Variants in DOCK3 observed in about 807,000 individuals in gnomAD.
DOCK3 encodes the protein dedicator of cytokinesis protein 3.
In DOCK3, 60 loss-of-function variants were observed where a neutral mutation model predicts 265.6. The ratio of observed to expected loss-of-function variants is 0.23; its 90% confidence interval spans 0.18 to 0.28. DOCK3 has a LOEUF of 0.28. DOCK3 is among the 10% of genes least tolerant of loss of function. The probability of loss-of-function intolerance (pLI) is 1.00; values close to 1 mark genes in which losing one functional copy is unlikely to be tolerated. For missense variants in DOCK3, 1,981 were observed against 2,594.3 expected, an observed-to-expected ratio of 0.76 and a Z score of 5.14; for synonymous variants, 881 against 938.0, an observed-to-expected ratio of 0.94 and a Z score of 1.11.
At chr3:50,692,942 T>G (rs1353322890) in intron 1 of DOCK3, among the ~76,000 whole-genome samples, 1 of 152,222 alleles carries the variant, frequency 6.6e-6, no homozygotes, top group Non-Finnish European at 1.5e-5. Context: ...TTTTATTCTT[T>G]GTGGATATCC....
At position 50,941,621 on chromosome 3, in the gene DOCK3, T is replaced by C. The variant is rs568047674; in HGVS notation, c.315+7544T>C. On this transcript the variant is annotated intron_variant, in intron 5 of 52. Transcript: ENST00000266037. ...ATAATAGCTTTTACATGGATGTTTA[T>C]AAAAAGCTTTATTTCTAATAGCATA... 5.3e-5 allele frequency among the ~76,000 whole-genome samples: 8 copies of C among 152,216 alleles called. No individual in the cohort carries two copies. In the South Asian group the frequency reaches 1.2e-3, roughly 24 times the overall value.
In DOCK3 at chr3:50,848,740, C is replaced by T. The variant is rs111756640; in HGVS notation, c.162+7025C>T. Among the ~76,000 whole-genome samples, 6 of 152,210 alleles carry T rather than the reference C, an allele frequency of 3.9e-5. 2 individuals carry two copies. Among genetic ancestry groups the T allele is most frequent in the African/African-American group, 1.4e-4 (6 of 41,538 alleles). On this transcript the variant is annotated intron_variant, in intron 3 of 52. Transcript: ENST00000266037. Reference sequence around the variant, plus strand: ...TCCAGATTTTTTCTTTAGCATTGACCTTGTTCAGTCTTATGGACTATATGC... The same window carrying T: ...TCCAGATTTTTTCTTTAGCATTGACTTTGTTCAGTCTTATGGACTATATGC...
chr3:51,252,672 T>C (rs2079317175), intron 22 of DOCK3, among the ~76,000 whole-genome samples: 1 of 152,210 alleles, frequency 6.6e-6, no homozygotes, highest in African/African-American at 2.4e-5. Context: ...TTGTCTGTTA[T>C]TGGTGTATAG....
At chr3:51,327,598 G>T (rs1329591862) in intron 32 of DOCK3, among the ~76,000 whole-genome samples, 1 of 150,896 alleles carries the variant, frequency 6.6e-6, no homozygotes, top group Non-Finnish European at 1.5e-5. Flanking sequence ...CAGATTTCTA[G>T]ATTTCTCCTA....
intron 3 of DOCK3, among the ~76,000 whole-genome samples, chr3:50,868,901 G>GTTTTTTTTTTTTTTTTTTTTTTTTT (rs147898866): frequency 7.0e-5 from 1 of 14,294 alleles, no homozygotes; most frequent in African/African-American, 2.4e-4. Context: ...TGGATAATCT[G>GTTTTTTTTTTTTTTTTTTTTTTTTT]TTTTTTTTTT....
At chr3:50,814,808 T>C (rs1352332410) in intron 2 of DOCK3, among the ~76,000 whole-genome samples, 2 of 152,112 alleles carry the variant, frequency 1.3e-5, no homozygotes, top group Admixed American at 1.3e-4. Context: ...CATGCTTATA[T>C]TTCTATTTCT....
At chr3:51,290,819 G>T (rs749858637) in intron 27 of DOCK3, among the ~76,000 whole-genome samples, 10 of 152,196 alleles carry the variant, frequency 6.6e-5, no homozygotes, top group Non-Finnish European at 1.2e-4. Flanking sequence ...GGTGGCTCAT[G>T]CCTGTAATCC....
chr3:51,324,476 C>T (rs2083956314), intron 32 of DOCK3, among the ~76,000 whole-genome samples: 1 of 149,838 alleles, frequency 6.7e-6, no homozygotes, highest in Admixed American at 6.6e-5. Flanking sequence ...GAATGAATAT[C>T]ATGGCCATAC....
chr3:50,872,113 G>A (rs751745273), intron 3 of DOCK3, among the ~76,000 whole-genome samples: 1 of 152,158 alleles, frequency 6.6e-6, no homozygotes, highest in Non-Finnish European at 1.5e-5. Flanking sequence ...TTTGTCTGTG[G>A]TAGGCATTGA....
intron 14 of DOCK3, among the ~76,000 whole-genome samples, chr3:51,214,807 C>A (rs982181859): frequency 1.6e-4 from 24 of 152,142 alleles, no homozygotes; most frequent in Non-Finnish European, 7.3e-5. Context: ...TCATCTAATG[C>A]CCCGTGGAGA....
chr3:51,208,928 G>C, intron 13 of DOCK3, 66 bp downstream of exon 13: 1 of 1,462,670 alleles, frequency 6.8e-7, no homozygotes, highest in Non-Finnish European at 9.4e-7. Context: ...ACAGCACTTA[G>C]ATTGGTTGGT....
intron 23 of DOCK3, among the ~76,000 whole-genome samples, chr3:51,268,258 G>A (rs1421198418): frequency 1.3e-5 from 2 of 152,162 alleles, no homozygotes; most frequent in Admixed American, 6.5e-5. Flanking sequence ...AGCCCAAGAA[G>A]TTAAGGCTAC....
intron 5 of DOCK3, among the ~76,000 whole-genome samples, chr3:50,956,352 T>C (rs1175810303): frequency 1.3e-5 from 2 of 152,218 alleles, no homozygotes; most frequent in African/African-American, 4.8e-5. Flanking sequence ...AGATTCCTCA[T>C]GTCTTCACTA....
chr3:50,701,292 A>AT (rs1327830386), intron 1 of DOCK3, among the ~76,000 whole-genome samples: 13 of 151,870 alleles, frequency 8.6e-5, no homozygotes, highest in Admixed American at 6.6e-4. Flanking sequence ...TAATTTTTAA[A>AT]TTTTTTGTAG....
intron 4 of DOCK3, among the ~76,000 whole-genome samples, chr3:50,926,572 G>A (rs1350728024): frequency 6.6e-6 from 1 of 152,174 alleles, no homozygotes; most frequent in Admixed American, 6.5e-5. Flanking sequence ...TAACCAGAGA[G>A]GGTTAGAGAT....
At chr3:50,868,901 G>GTT (rs147898866) in intron 3 of DOCK3, among the ~76,000 whole-genome samples, 286 of 14,296 alleles carry the variant, frequency 0.02, 15 homozygotes, top group Middle Eastern at 0.042. Context: ...TGGATAATCT[G>GTT]TTTTTTTTTT....
Position 51,361,725 on chromosome 3 carries a change from G to A in DOCK3, c.5007-134G>A. The A allele has an allele frequency of 8.2e-7, 1 of 1,223,326 alleles. No individual in the cohort carries two copies. The highest frequency in any genetic ancestry group is 2.6e-4 in the Middle Eastern group (1 of 3,876). The allele number at this position is 1,223,326 out of a possible 1,614,324, so 75.8% of individuals were successfully genotyped here. On this transcript the variant is annotated intron_variant, in intron 47 of 52. Coordinates refer to ENST00000266037, the MANE Select transcript of DOCK3 (RefSeq NM_004947.5). The surrounding 1 kb of genome is among the most constrained non-coding windows in gnomAD (Gnocchi z 4.2). ...ACTGCTCCAGGCCTCAGATGGGTATGAGCATTGACTATGGAACCCTCCAAA... is the reference window on the plus strand; with the variant it reads ...ACTGCTCCAGGCCTCAGATGGGTATAAGCATTGACTATGGAACCCTCCAAA...
At chr3:50,877,180 A>T in intron 3 of DOCK3, 1 of 316,742 alleles carries the variant, frequency 3.2e-6, no homozygotes, top group South Asian at 2.9e-5. Context: ...AGCCATACTG[A>T]GCTCCTGAAT....
intron 22 of DOCK3, among the ~76,000 whole-genome samples, chr3:51,259,160 C>T (rs1363264541): frequency 6.6e-6 from 1 of 152,208 alleles, no homozygotes; most frequent in Non-Finnish European, 1.5e-5. Flanking sequence ...GGTACAAGCC[C>T]TGTAAGACAC....
Sources: allele counts gnomAD v4.1 joint callset (sites outside exome capture counted in the v4.1 genomes callset), GRCh38; gene constraint gnomAD v4.1.1; non-coding constraint Gnocchi (gnomAD v3.1); transcripts MANE v1.5; gene names NCBI Gene and HGNC (gene_info 2026-07-23, HGNC 2026-07-21).